MCAT: variants seen among roughly 807,000 people sequenced by gnomAD.
The protein encoded by MCAT is malonyl-CoA-acyl carrier protein transacylase, also known as malonyl-CoA-acyl carrier protein transacylase, mitochondrial.
A neutral mutation model predicts 22.9 loss-of-function variants in MCAT; 22 were observed. That is an observed-to-expected ratio of 0.96 (90% confidence interval 0.69 to 1.37). The LOEUF is 1.37. MCAT is among the 40% of genes most tolerant of loss of function. The pLI is 0.00. For missense variants in MCAT, 534 were observed against 533.6 expected, an observed-to-expected ratio of 1.00 and a Z score of -0.01; for synonymous variants, 240 against 233.9, an observed-to-expected ratio of 1.03 and a Z score of -0.24.
At chr22:43,137,758 G>A (rs766106800) in intron 2 of MCAT, among the ~76,000 whole-genome samples, 27 of 149,580 alleles carry the variant, frequency 1.8e-4, no homozygotes, top group Non-Finnish European at 3.7e-4. Context: ...TTTAAATAGT[G>A]CCACTATTGA....
intron 2 of MCAT, among the ~76,000 whole-genome samples, chr22:43,138,940 C>A (rs1930694751): frequency 6.6e-6 from 1 of 152,198 alleles, no homozygotes; most frequent in Admixed American, 6.5e-5. Flanking sequence ...ATGTACTGGA[C>A]TTTTAGCTCC....
In MCAT at chr22:43,139,648, G is replaced by A. The variant is rs1016475688; in HGVS notation, c.511+1514C>T. On this transcript the variant is annotated intron_variant, in intron 2 of 3. Transcript: ENST00000290429. Reference sequence around the variant, plus strand: ...AGCTGGAGTGCAGTGGCACAATCTCGGCTCACTGCAACCTCTGCCTCCTGG... The same window carrying A: ...AGCTGGAGTGCAGTGGCACAATCTCAGCTCACTGCAACCTCTGCCTCCTGG... Among the ~76,000 whole-genome samples, 7 of 146,096 alleles carry A rather than the reference G, an allele frequency of 4.8e-5. No homozygotes were observed. The East Asian group carries it at 9.9e-4, about 21-fold the overall frequency.
chr22:43,139,628 G>C (rs1354861161), intron 2 of MCAT, among the ~76,000 whole-genome samples: 2 of 150,040 alleles, frequency 1.3e-5, no homozygotes, highest in South Asian at 2.1e-4. Context: ...ACCCAAGCTG[G>C]AGTGCAGTGG....
intron 3 of MCAT, 24 bp downstream of exon 3, chr22:43,137,057 A>G (rs771420564): frequency 6.2e-7 from 1 of 1,602,818 alleles, no homozygotes; most frequent in Non-Finnish European, 8.5e-7. Flanking sequence ...CTGGCCTATG[A>G]AGGCAGTTCC....
At position 43,141,219 on chromosome 22, in the gene MCAT, A is replaced by C. The variant is rs1930758918; in HGVS notation, c.454T>G (p.Phe152Val). 6.2e-7 allele frequency: 1 copy of C among 1,613,994 alleles called. No homozygotes were observed. ...VIENCVAAAG[F>V]SVGEFAALVF... ...AGGGCTGCAAACTCTCCCACACTGA[A>C]TCCAGCAGCAGCAACACAGTTCTCA... The change falls in exon 2 of 4, where the codon TTC (phenylalanine) becomes GTC (valine). Residue 152 changes from phenylalanine (F) to valine (V), a missense_variant. By Grantham distance (50) the Phe-to-Val change is conservative. Coordinates refer to ENST00000290429, the MANE Select transcript of MCAT (RefSeq NM_173467.5).
At chr22:43,135,503 CAAAAAACAA>C (rs1357820398) in intron 3 of MCAT, among the ~76,000 whole-genome samples, 11 of 33,122 alleles carry the variant, frequency 3.3e-4, no homozygotes, top group African/African-American at 8.5e-4. Flanking sequence ...GACATTGTCT[CAAAAAACAA>C]AAAAAAAAAA....
chr22:43,137,350 A>C, intron 2 of MCAT, 52 bp from the exon 3 acceptor site: 2 of 1,497,234 alleles, frequency 1.3e-6, no homozygotes, highest in African/African-American at 1.4e-5. Flanking sequence ...ATGAAGGAGA[A>C]AAGGCCAGGC....
intron 1 of MCAT, among the ~76,000 whole-genome samples, chr22:43,142,424 T>C (rs1930793868): frequency 6.7e-6 from 1 of 149,906 alleles, no homozygotes; most frequent in Admixed American, 6.7e-5. Flanking sequence ...GAGGCAGAGG[T>C]TGCAGTGAGC....
At chr22:43,135,503 CAAA>C (rs1270132344) in intron 3 of MCAT, among the ~76,000 whole-genome samples, 1 of 33,126 alleles carries the variant, frequency 3.0e-5, no homozygotes, top group Admixed American at 2.6e-4. Flanking sequence ...GACATTGTCT[CAAA>C]AAACAAAAAA....
At position 43,143,296 on chromosome 22, in the gene MCAT, T is replaced by C. The variant is rs1264884961; in HGVS notation, c.53A>G (p.Tyr18Cys). ...VAWVRGLGAS[Y>C]RRGASSFPVP... ...CGGGAAGCTCGAGGCGCCGCGGCGG[T>C]AGCTGGCGCCCAAGCCCCTGACCCA... The change falls in exon 1 of 4, where the codon TAC becomes TGC. Residue 18 changes from tyrosine (Y) to cysteine (C), a missense_variant. Transcript: ENST00000290429. The C allele has an allele frequency of 1.3e-5, 19 of 1,429,960 alleles. No individual in the cohort carries two copies. The highest frequency in any genetic ancestry group is 1.7e-5 in the Non-Finnish European group (19 of 1,103,696). The allele number at this position is 1,429,960 out of a possible 1,614,324, so 88.6% of individuals were successfully genotyped here. A position where few individuals can be genotyped will look rare whatever the true frequency, so the allele number is the denominator to read the frequency against.
Position 43,136,867 on chromosome 22 carries a change from C to T in MCAT, c.729+214G>A, listed in dbSNP as rs538712269. Among the ~76,000 whole-genome samples the T allele has an allele frequency of 2.4e-4, 36 of 152,294 alleles. 1 individual carries two copies. In the South Asian group the frequency reaches 7.5e-3, roughly 32 times the overall value. ...TTAGACATGGGCTGGCTGGTTGGTT[C>T]CAGACCCCATTCTACACGTGGTGGA... On this transcript the variant is annotated intron_variant, in intron 3 of 3. Coordinates refer to ENST00000290429, the MANE Select transcript of MCAT (RefSeq NM_173467.5).
rs768634394 is a variant in MCAT at position 43,133,034 on chromosome 22, C to T, written c.*9G>A. ...ACAGAGGGGGTCATCGCATTTGAGC[C>T]CCCTGCAGTCATCTCGGGGGCTCCT... On this transcript the variant is annotated 3_prime_UTR_variant, in exon 4 of 4. Coordinates refer to ENST00000290429, the MANE Select transcript of MCAT (RefSeq NM_173467.5). The T allele has an allele frequency of 1.2e-6, 2 of 1,611,868 alleles. No homozygotes were observed. The highest frequency in any genetic ancestry group is 1.7e-5 in the Admixed American group (1 of 59,860).
intron 2 of MCAT, among the ~76,000 whole-genome samples, chr22:43,140,349 T>A (rs1207473123): frequency 6.6e-6 from 1 of 152,094 alleles, no homozygotes; most frequent in South Asian, 2.1e-4. Flanking sequence ...TAATTTTGTG[T>A]ATGTGTGTGT....
intron 3 of MCAT, among the ~76,000 whole-genome samples, chr22:43,134,839 G>C (rs1003098405): frequency 6.6e-6 from 1 of 152,198 alleles, no homozygotes; most frequent in Non-Finnish European, 1.5e-5. Context: ...GAGCCTCTTT[G>C]GTCTGGGCCT....
At chr22:43,136,822 G>C (rs1930625783) in intron 3 of MCAT, among the ~76,000 whole-genome samples, 1 of 152,342 alleles carries the variant, frequency 6.6e-6, no homozygotes, top group South Asian at 2.1e-4. Flanking sequence ...CTGGAGATCA[G>C]CTGGCCCTGC....
At chr22:43,134,295 G>A (rs952345134) in intron 3 of MCAT, among the ~76,000 whole-genome samples, 9 of 152,262 alleles carry the variant, frequency 5.9e-5, no homozygotes, top group Non-Finnish European at 1.2e-4. Context: ...GGCCTCGGGC[G>A]AGCCAATAGC....
intron 3 of MCAT, among the ~76,000 whole-genome samples, chr22:43,135,235 G>T: frequency 6.6e-6 from 1 of 152,222 alleles, no homozygotes; most frequent in East Asian, 1.9e-4. Flanking sequence ...GGGCACAGTG[G>T]CTCACACCTA....
At chr22:43,139,281 C>T (rs1930704264) in intron 2 of MCAT, among the ~76,000 whole-genome samples, 1 of 152,128 alleles carries the variant, frequency 6.6e-6, no homozygotes, top group Non-Finnish European at 1.5e-5. Flanking sequence ...AATCCCAGCA[C>T]TGTAGGAGGC....
rs144003919 is a variant in MCAT at position 43,133,370 on chromosome 22, C to T, written c.846G>A (p.Thr282=). 4.1e-4 allele frequency: 665 copies of T among 1,614,024 alleles called. 1 individual carries two copies. Among genetic ancestry groups the T allele is most frequent in the Non-Finnish European group, 5.1e-4 (597 of 1,180,028 alleles). The change falls in exon 4 of 4, where the codon ACG becomes ACA. Residue 282 remains threonine (T), a synonymous_variant. Coordinates refer to ENST00000290429, the MANE Select transcript of MCAT (RefSeq NM_173467.5). ...RLMEPAVEPL[T]QALKAVDIKK... ...TAATGTCGACTGCCTTTAAAGCTTG[C>T]GTCAGGGGCTCCACGGCTGGCTCCA... is the stretch of plus-strand genomic sequence containing the variant.
Sources: allele counts gnomAD v4.1 joint callset (sites outside exome capture counted in the v4.1 genomes callset), GRCh38; gene constraint gnomAD v4.1.1; transcripts MANE v1.5; gene names NCBI Gene and HGNC (gene_info 2026-07-23, HGNC 2026-07-21).